TLN1: variants seen among roughly 807,000 people sequenced by gnomAD.
The protein encoded by TLN1 is talin 1, also known as talin-1.
A neutral mutation model predicts 292.3 loss-of-function variants in TLN1; 56 were observed. That is an observed-to-expected ratio of 0.19 (90% CI 0.15 to 0.24). TLN1 has a LOEUF of 0.24. TLN1 is among the 10% of genes least tolerant of loss of function. The pLI, the probability that TLN1 is intolerant of heterozygous loss-of-function variation, is 1.00. For missense variants in TLN1, 2,433 were observed against 3,248.2 expected, an observed-to-expected ratio of 0.75 and a Z score of 6.10; for synonymous variants, 1,119 against 1,253.7, an observed-to-expected ratio of 0.89 and a Z score of 2.27.
Position 35,716,454 on chromosome 9 carries a change from C to T in TLN1, c.2561G>A (p.Arg854His), listed in dbSNP as rs761541158. ...AEGESDLENSRKLLSAAKILA... is the reference protein window; with the variant it reads ...AEGESDLENSHKLLSAAKILA... ...GATCTTGGCAGCACTTAAGAGCTTG[C>T]GGGAGTTCTCCAGATCACTTTCCCC... is the stretch of plus-strand genomic sequence containing the variant. Residue 854 changes from arginine to histidine, a missense_variant, in exon 20 of 57, where the codon CGC (arginine) becomes CAC (histidine). Arg to His is a conservative substitution (Grantham distance 29, BLOSUM62 0). Transcript: ENST00000314888. 9.9e-6 allele frequency: 16 copies of T among 1,614,062 alleles called. No individual in the cohort carries two copies. In the East Asian group the frequency reaches 1.1e-4, roughly 11 times the overall value.
In TLN1 at chr9:35,705,654, G is replaced by T; in HGVS notation, c.5630C>A (p.Thr1877Asn). 6.2e-7 allele frequency: 1 copy of T among 1,611,146 alleles called. No individual in the cohort carries two copies. The highest frequency in any genetic ancestry group is 1.1e-5 in the South Asian group (1 of 91,028). The change falls in exon 43 of 57, where the codon ACC becomes AAC. Residue 1877 changes from threonine (T) to asparagine (N), a missense_variant. Coordinates refer to ENST00000314888, the MANE Select transcript of TLN1 (RefSeq NM_006289.4). ...AAGAGGGCCCAGCTCCTCTGGGCTG[G>T]TGTTTGACTTGGTAACCTGGTGATA... ...TVQEMVTKSNTSPEELGPLAN... is the reference protein window; with the variant it reads ...TVQEMVTKSNNSPEELGPLAN...
rs1437709776 is a variant in TLN1, at chr9:35,712,827, T to C, written c.3561+8A>G. ...GGGAGAGGGAGTGGCCCTTTCCCAG[T>C]ATCTGACCTGGGCAAGCCGCTGCTG... On this transcript the variant is annotated splice_region_variant and intron_variant, in intron 27 of 56. Transcript: ENST00000314888. 6.4e-7 allele frequency: 1 copy of C among 1,564,720 alleles called. No homozygotes were observed. The highest frequency in any genetic ancestry group is 8.7e-7 in the Non-Finnish European group (1 of 1,152,306).
chr9:35,713,883 C>A (rs944323757), intron 25 of TLN1, 70 bp downstream of exon 25: 16 of 1,525,946 alleles, frequency 1.0e-5, no homozygotes, highest in Non-Finnish European at 1.4e-5. Flanking sequence ...AGGTTTTGAG[C>A]AGCTCTGGGG....
chr9:35,712,190 C>T (rs764297181), intron 27 of TLN1, 66 bp from the exon 28 acceptor site: 53 of 1,542,836 alleles, frequency 3.4e-5, no homozygotes, highest in East Asian at 7.1e-5. Context: ...TCCATTCACG[C>T]GACATGGGAG....
At position 35,698,735 on chromosome 9, in the gene TLN1, G is replaced by A. The variant is rs1008982553; in HGVS notation, c.7126-56C>T. 25 of 1,613,906 alleles carry A rather than the reference G, an allele frequency of 1.5e-5. No individual in the cohort carries two copies. Among genetic ancestry groups the A allele is most frequent in the Middle Eastern group, 3.3e-4 (2 of 6,084 alleles). On this transcript the variant is annotated intron_variant, in intron 53 of 56. Coordinates refer to ENST00000314888, the MANE Select transcript of TLN1 (RefSeq NM_006289.4). This position sits in a 1 kb window ranked among gnomAD's most constrained non-coding sequence, Gnocchi z 5.3. ...TGCATTTTCCTCACTTCAAAGACTCGCTGGCTATGGATGTGGATGTGGACA... is the reference window on the plus strand; with the variant it reads ...TGCATTTTCCTCACTTCAAAGACTCACTGGCTATGGATGTGGATGTGGACA...
In TLN1 at chr9:35,719,116, T is replaced by G; in HGVS notation, c.1854A>C (p.Ala618=). 1 of 1,614,038 alleles carries G rather than the reference T, an allele frequency of 6.2e-7. No individual in the cohort carries two copies. Among genetic ancestry groups the G allele is most frequent in the Non-Finnish European group, 8.5e-7 (1 of 1,180,032 alleles). ...LLQAAKGLAG[A]VSELLRSAQP... is the part of the protein sequence containing the mutation. Reference sequence around the variant, plus strand: ...GGGCACTGCGCAGCAGTTCTGACACTGCTCCCGCAAGGCCCTTTGCTGCCT... The same window carrying G: ...GGGCACTGCGCAGCAGTTCTGACACGGCTCCCGCAAGGCCCTTTGCTGCCT... Residue 618 remains alanine (A), a synonymous_variant, in exon 16 of 57, where the codon GCA becomes GCC. Coordinates refer to ENST00000314888, the MANE Select transcript of TLN1 (RefSeq NM_006289.4). The surrounding 1 kb of genome is among the most constrained non-coding windows in gnomAD (Gnocchi z 4.6).
rs1403096205 is a variant in TLN1, at chr9:35,721,015, C to T, written c.1105-102G>A. On this transcript the variant is annotated intron_variant, in intron 10 of 56. Transcript: ENST00000314888. ...AGGTTGAGCTGATGAGATGCCTTCC[C>T]GTGGCAACGGCCCTCTTGGAAGATG... The T allele has an allele frequency of 5.6e-5, 45 of 798,314 alleles. 1 individual carries two copies. The highest frequency in any genetic ancestry group is 5.6e-4 in the South Asian group (34 of 61,160). The allele number at this position is 798,314 out of a possible 1,614,324, so 49.5% of individuals were successfully genotyped here.
At position 35,704,679 on chromosome 9, in the gene TLN1, A is replaced by C. The variant is rs2131884710; in HGVS notation, c.5870T>G (p.Val1957Gly). 3 of 1,613,416 alleles carry C rather than the reference A, an allele frequency of 1.9e-6. No individual in the cohort carries two copies. Among genetic ancestry groups the C allele is most frequent in the Non-Finnish European group, 1.7e-6 (2 of 1,179,876 alleles). ...GATGAGCACCGTCACCTTCTCAGAG[A>C]CTCTCCGGGCACACTCTATGAGCTC... ...KKELIECARR[V>G]SEKVSHVLAA... is the part of the protein sequence containing the mutation. Residue 1957 changes from valine (V) to glycine (G), a missense_variant, in exon 44 of 57, where the codon GTC (valine) becomes GGC (glycine). Coordinates refer to ENST00000314888, the MANE Select transcript of TLN1 (RefSeq NM_006289.4). The surrounding 1 kb of genome is among the most constrained non-coding windows in gnomAD (Gnocchi z 6.9).
chr9:35,715,484 AAGG>A (rs545191218), intron 20 of TLN1, among the ~76,000 whole-genome samples: 38 of 152,208 alleles, frequency 2.5e-4, no homozygotes, highest in Non-Finnish European at 4.1e-4. Flanking sequence ...TTCCTGGACA[AAGG>A]AGGACTCAGT....
rs780500400 is a variant in TLN1 at position 35,710,884 on chromosome 9, C to T, written c.4116G>A (p.Thr1372=). Residue 1372 remains threonine (T), a splice_region_variant and synonymous_variant, in exon 32 of 57, where the codon ACG becomes ACA. Transcript: ENST00000314888. ...ECDNALRELE[T]VRELLENPVQ... The stretch of plus-strand genomic sequence containing the variant: ...CTGGGTTCTCCAGGAGTTCCCGGAC[C>T]GTCTGTGTAGGGGGAGGGCAAAGTG... The T allele has an allele frequency of 7.4e-6, 12 of 1,614,082 alleles. No individual in the cohort carries two copies. The highest frequency in any genetic ancestry group is 2.2e-5 in the South Asian group (2 of 91,084).
intron 21 of TLN1, 23 bp downstream of exon 21, chr9:35,715,036 C>G: frequency 6.2e-7 from 1 of 1,612,634 alleles, no homozygotes; most frequent in Non-Finnish European, 8.5e-7. Context: ...CTCTCTTGCT[C>G]CTGGTGAAAC....
Position 35,719,111 on chromosome 9 carries a change from G to A in TLN1, c.1859C>T (p.Ser620Leu). The A allele has an allele frequency of 6.2e-7, 1 of 1,613,924 alleles. No individual in the cohort carries two copies. Among genetic ancestry groups the A allele is most frequent in the Non-Finnish European group, 8.5e-7 (1 of 1,180,022 alleles). The change falls in exon 16 of 57, where the codon TCA becomes TTA. Residue 620 changes from serine (S) to leucine (L), a missense_variant. Ser to Leu is a moderately radical substitution (Grantham distance 145, BLOSUM62 -2). Around this residue, in one of 7 missense-constraint regions of TLN1, gnomAD observed 617 missense variants for 770.6 expected, o/e 0.80. Transcript: ENST00000314888. The surrounding 1 kb of genome is among the most constrained non-coding windows in gnomAD (Gnocchi z 4.6). ...TGGTTGGGCACTGCGCAGCAGTTCT[G>A]ACACTGCTCCCGCAAGGCCCTTTGC... ...QAAKGLAGAV[S>L]ELLRSAQPAS...
At chr9:35,705,700 T>G (rs1407237483) in intron 42 of TLN1, 30 bp from the exon 43 acceptor site, 2 of 1,613,958 alleles carry the variant, frequency 1.2e-6, no homozygotes, top group Non-Finnish European at 1.7e-6. Context: ...TGAAGTTATA[T>G]CCAAAGTCAG....
In TLN1 at chr9:35,699,060, T is replaced by C; in HGVS notation, c.6971A>G (p.Glu2324Gly). 1 of 1,613,840 alleles carries C rather than the reference T, an allele frequency of 6.2e-7. No homozygotes were observed. The highest frequency in any genetic ancestry group is 8.5e-7 in the Non-Finnish European group (1 of 1,179,828). The change falls in exon 52 of 57, where the codon GAG (glutamate) becomes GGG (glycine). Residue 2324 changes from glutamate to glycine, a missense_variant. By Grantham distance (98) the Glu-to-Gly change is moderately conservative (BLOSUM62 -2). Transcript: ENST00000314888. The surrounding 1 kb of genome is among the most constrained non-coding windows in gnomAD (Gnocchi z 4.0). The part of the protein sequence containing the change: ...AAIEAAAKKL[E>G]QLKPRAKPKE... ...GGGTTTGGCCCGGGGCTTCAGCTGCTCTAGCTTTTTGGCTGCAGCCTCAAT... is the reference window on the plus strand; with the variant it reads ...GGGTTTGGCCCGGGGCTTCAGCTGCCCTAGCTTTTTGGCTGCAGCCTCAAT...
chr9:35,708,092 A>G, intron 34 of TLN1, 200 bp from the exon 35 acceptor site: 1 of 724,424 alleles, frequency 1.4e-6, no homozygotes, highest in Non-Finnish European at 2.2e-6. Flanking sequence ...AAGACATACT[A>G]ATGGAGAAAC....
Position 35,719,640 on chromosome 9 carries a change from G to A in TLN1, c.1579-13C>T, listed in dbSNP as rs571547082. The A allele has an allele frequency of 3.7e-6, 6 of 1,613,724 alleles. No individual in the cohort carries two copies. The African/African-American group carries it at 5.3e-5, about 14-fold the overall frequency. ...AGGCCTTAGAGGCCTGAAAGAGAGA[G>A]GAAAAGCCTTCAGGATCTGCCCTGG... is the stretch of plus-strand genomic sequence containing the variant. On this transcript the variant is annotated splice_polypyrimidine_tract_variant and intron_variant, in intron 14 of 56. Coordinates refer to ENST00000314888, the MANE Select transcript of TLN1 (RefSeq NM_006289.4). This position sits in a 1 kb window ranked among gnomAD's most constrained non-coding sequence, Gnocchi z 4.6.
chr9:35,722,810 A>G (rs201868793), intron 8 of TLN1, 51 bp downstream of exon 8: 220 of 1,589,602 alleles, frequency 1.4e-4, no homozygotes, highest in Non-Finnish European at 1.8e-4. Context: ...AGTAAGATTA[A>G]GCAGCAAAGC....
chr9:35,708,501 G>T lies in TLN1; in HGVS notation c.4327-17C>A. 6.5e-7 allele frequency: 1 copy of T among 1,544,994 alleles called. No individual in the cohort carries two copies. The highest frequency in any genetic ancestry group is 1.2e-5 in the South Asian group (1 of 83,338). The stretch of plus-strand genomic sequence containing the variant: ...ATATGCAGCCTGGGAAGAGAAAAGG[G>T]GGTGGGGGTGAGGAATAAAGATTGC... On this transcript the variant is annotated splice_polypyrimidine_tract_variant and intron_variant, in intron 33 of 56. Coordinates refer to ENST00000314888, the MANE Select transcript of TLN1 (RefSeq NM_006289.4).
intron 43 of TLN1, 132 bp downstream of exon 43, chr9:35,705,419 C>T: frequency 4.3e-6 from 4 of 927,908 alleles, no homozygotes; most frequent in South Asian, 1.7e-5. Context: ...CCTCACTAGT[C>T]TTCAGCAGAG....
Sources: allele counts gnomAD v4.1 joint callset (sites outside exome capture counted in the v4.1 genomes callset), GRCh38; gene constraint gnomAD v4.1.1; regional missense constraint gnomAD v4.1.1; non-coding constraint Gnocchi (gnomAD v3.1); transcripts MANE v1.5; gene names NCBI Gene and HGNC (gene_info 2026-07-23, HGNC 2026-07-21).